Variants in FOXP2 observed in about 807,000 individuals in gnomAD.
The protein encoded by FOXP2 is forkhead box P2, also known as forkhead box protein P2.
FOXP2 carries 12 observed loss-of-function variants against 115.8 expected under a neutral mutation model. The observed-to-expected ratio is 0.10, with a 90% CI of 0.07 to 0.17. The LOEUF (loss-of-function observed/expected upper bound fraction) is 0.17, where lower values mean the gene tolerates loss of function less well. FOXP2 is among the 10% of genes least tolerant of loss of function. FOXP2 has a pLI of 1.00. For missense variants in FOXP2, 629 were observed against 843.5 expected (o/e 0.75, Z 3.15); for synonymous variants, 328 against 297.7 (o/e 1.10, Z -1.05).
chr7:114,531,556 C>T (rs1267624929), intron 2 of FOXP2, among the ~76,000 whole-genome samples: 2 of 151,776 alleles, frequency 1.3e-5, no homozygotes, highest in Non-Finnish European at 2.9e-5. Flanking sequence ...GAGCTTTCTG[C>T]TTATGAGTTT....
chr7:114,487,064 C>T (rs1796820645), intron 2 of FOXP2, among the ~76,000 whole-genome samples: 1 of 152,218 alleles, frequency 6.6e-6, no homozygotes, highest in Non-Finnish European at 1.5e-5. Flanking sequence ...TCCCACCCCA[C>T]CTTTGCCTTT....
intron 2 of FOXP2, among the ~76,000 whole-genome samples, chr7:114,465,837 A>C (rs954046990): frequency 1.3e-5 from 2 of 152,124 alleles, no homozygotes; most frequent in Non-Finnish European, 1.5e-5. Context: ...TTCATGGCTA[A>C]GTGCTTTAAT....
At chr7:114,652,182 T>G in intron 8 of FOXP2, 21 bp from the exon 9 acceptor site, 1 of 1,610,824 alleles carries the variant, frequency 6.2e-7, no homozygotes, top group East Asian at 2.2e-5. Context: ...ACATTCTGTT[T>G]TGTGTCTTCT....
chr7:114,642,338 A>G (rs1196787552), intron 6 of FOXP2, 72 bp from the exon 7 acceptor site: 3 of 1,210,858 alleles, frequency 2.5e-6, no homozygotes, highest in African/African-American at 1.5e-5. Context: ...TAATCTATTA[A>G]TAACACAAAG....
intron 2 of FOXP2, among the ~76,000 whole-genome samples, chr7:114,427,407 A>T (rs1408233297): frequency 6.6e-6 from 1 of 151,548 alleles, no homozygotes; most frequent in Non-Finnish European, 1.5e-5. Flanking sequence ...TAAAAAAAAA[A>T]AAAAATTCTT....
intron 16 of FOXP2, among the ~76,000 whole-genome samples, chr7:114,680,708 G>A (rs1028163386): frequency 2.0e-5 from 3 of 150,330 alleles, no homozygotes; most frequent in African/African-American, 4.9e-5. Context: ...TCGTGCCACT[G>A]CACTCCAGCC....
intron 2 of FOXP2, among the ~76,000 whole-genome samples, chr7:114,481,494 A>C (rs1796534551): frequency 6.6e-6 from 1 of 151,336 alleles, no homozygotes. Context: ...TAATAGGTTA[A>C]AATAGCTTCT....
chr7:114,380,566 A>C (rs1031622908), intron 2 of FOXP2, among the ~76,000 whole-genome samples: 4 of 152,242 alleles, frequency 2.6e-5, no homozygotes, highest in Non-Finnish European at 5.9e-5. Context: ...ACTTGTTGAC[A>C]GTTCCGTTCT....
chr7:114,216,916 T>C (rs1379617381), intron 1 of FOXP2, among the ~76,000 whole-genome samples: 8 of 152,158 alleles, frequency 5.3e-5, no homozygotes, highest in Non-Finnish European at 7.4e-5. Context: ...GCATTAGCAG[T>C]TTAAAATATA....
intron 1 of FOXP2, among the ~76,000 whole-genome samples, chr7:114,201,580 A>G (rs976122303): frequency 1.3e-5 from 2 of 152,192 alleles, no homozygotes; most frequent in Admixed American, 1.3e-4. Flanking sequence ...ATTTAATTTT[A>G]TCGTACCTTC....
At chr7:114,562,774 G>GT (rs5886714) in intron 3 of FOXP2, among the ~76,000 whole-genome samples, 3 of 150,556 alleles carry the variant, frequency 2.0e-5, no homozygotes, top group Non-Finnish European at 4.4e-5. Context: ...TCTTAACCCT[G>GT]TTTTTTTTTT....
intron 2 of FOXP2, among the ~76,000 whole-genome samples, chr7:114,456,417 G>C (rs1795314842): frequency 6.6e-6 from 1 of 152,146 alleles, no homozygotes; most frequent in Admixed American, 6.6e-5. Flanking sequence ...CTGACCCTTA[G>C]TAGTTTTACC....
intron 2 of FOXP2, among the ~76,000 whole-genome samples, chr7:114,405,209 T>A (rs1793004083): frequency 6.6e-6 from 1 of 151,898 alleles, no homozygotes; most frequent in African/African-American, 2.4e-5. Context: ...ATAATTTACT[T>A]TTTCTGAAAA....
chr7:114,271,792 G>A (rs28801151), intron 1 of FOXP2, among the ~76,000 whole-genome samples: 4,290 of 114,586 alleles, frequency 0.037, 207 homozygotes, highest in African/African-American at 0.12. Context: ...ATAAATGTAT[G>A]TCATATTATT....
chr7:114,394,738 T>A (rs1792698137), intron 2 of FOXP2, among the ~76,000 whole-genome samples: 1 of 152,082 alleles, frequency 6.6e-6, no homozygotes, highest in African/African-American at 2.4e-5. Context: ...TTAAGGGACA[T>A]CTACAAAATA....
intron 2 of FOXP2, among the ~76,000 whole-genome samples, chr7:114,455,918 C>A (rs1795294758): frequency 6.6e-6 from 1 of 152,124 alleles, no homozygotes; most frequent in South Asian, 2.1e-4. Flanking sequence ...TTTATTGATA[C>A]AGGCAATGTA....
chr7:114,264,749 T>C (rs1253602934), intron 1 of FOXP2, among the ~76,000 whole-genome samples: 3 of 152,168 alleles, frequency 2.0e-5, no homozygotes, highest in African/African-American at 7.2e-5. Flanking sequence ...CAACCAACAT[T>C]GCTCAGCTTC....
intron 2 of FOXP2, among the ~76,000 whole-genome samples, chr7:114,509,671 G>GT (rs57128001): frequency 2.3e-5 from 1 of 42,612 alleles, no homozygotes; most frequent in Non-Finnish European, 4.6e-5. Context: ...TTTCTTTGGT[G>GT]GGGGGGGGGC....
At chr7:114,402,600 C>G (rs563859962) in intron 2 of FOXP2, among the ~76,000 whole-genome samples, 48 of 151,902 alleles carry the variant, frequency 3.2e-4, no homozygotes, top group African/African-American at 1.1e-3. Context: ...AATGGCACCC[C>G]TGCAAAAACC....
Sources: gnomAD v4.1 joint callset for allele counts (sites outside exome capture counted in the v4.1 genomes callset) on GRCh38, gnomAD v4.1.1 for gene constraint, MANE v1.5 for transcripts, NCBI Gene and HGNC (gene_info 2026-07-23, HGNC 2026-07-21) for gene names.